Variants in EXOC2 observed in about 807,000 individuals in gnomAD.
EXOC2 encodes the protein exocyst complex component 2.
EXOC2 carries 70 observed loss-of-function variants against 131.8 expected under a neutral mutation model. The ratio of observed to expected loss-of-function variants is 0.53; its 90% confidence interval spans 0.44 to 0.65. The LOEUF (loss-of-function observed/expected upper bound fraction) is 0.65. EXOC2 is among the 30% of genes least tolerant of loss of function. The pLI is 0.00. For synonymous variants in EXOC2, 411 were observed against 398.4 expected, an observed-to-expected ratio of 1.03 and a Z score of -0.38; for missense variants, 923 against 1,108.6, an observed-to-expected ratio of 0.83 and a Z score of 2.38.
At chr6:678,414 C>G (rs1764250703) in intron 1 of EXOC2, among the ~76,000 whole-genome samples, 1 of 152,196 alleles carries the variant, frequency 6.6e-6, no homozygotes, top group Non-Finnish European at 1.5e-5. Context: ...ATAAAAGTAA[C>G]CTAGTATTGC....
chr6:512,253 C>T (rs1437401311), intron 23 of EXOC2, among the ~76,000 whole-genome samples: 5 of 152,206 alleles, frequency 3.3e-5, no homozygotes, highest in African/African-American at 7.2e-5. Flanking sequence ...GTTTGAACCG[C>T]GTGGGTCCAC....
At chr6:632,191 T>C (rs144425519) in intron 3 of EXOC2, among the ~76,000 whole-genome samples, 1 of 152,354 alleles carries the variant, frequency 6.6e-6, no homozygotes, top group African/African-American at 2.4e-5. Flanking sequence ...TAAGGGACTA[T>C]GCTAAGCACT....
chr6:539,766 G>T (rs1472178598), intron 22 of EXOC2, among the ~76,000 whole-genome samples: 1 of 152,178 alleles, frequency 6.6e-6, no homozygotes, highest in East Asian at 1.9e-4. Context: ...TTGGCCATCT[G>T]TATAGAAATA....
At chr6:649,242 T>C (rs1762725014) in intron 1 of EXOC2, among the ~76,000 whole-genome samples, 4 of 152,226 alleles carry the variant, frequency 2.6e-5, no homozygotes, top group African/African-American at 9.6e-5. Flanking sequence ...ATAACAGCTA[T>C]TATTACTCAT....
intron 1 of EXOC2, chr6:656,495 C>T: frequency 6.2e-7 from 1 of 1,607,408 alleles, no homozygotes; most frequent in Non-Finnish European, 8.5e-7. Flanking sequence ...CGGAGGCGCG[C>T]AGGCTGGGCG....
chr6:540,607 C>T (rs1314319277), intron 22 of EXOC2, among the ~76,000 whole-genome samples: 2 of 151,734 alleles, frequency 1.3e-5, no homozygotes, highest in Non-Finnish European at 2.9e-5. Flanking sequence ...AGGAGATTAC[C>T]CCAATCAGTA....
intron 1 of EXOC2, among the ~76,000 whole-genome samples, chr6:686,769 A>G (rs566342259): frequency 6.6e-6 from 1 of 152,324 alleles, no homozygotes; most frequent in Non-Finnish European, 1.5e-5. Context: ...GACTGTCACT[A>G]TGTTGCACAG....
At chr6:549,031 CAGGGTGAAG>C in intron 22 of EXOC2, 135 bp downstream of exon 22, 2 of 690,188 alleles carry the variant, frequency 2.9e-6, no homozygotes. Context: ...AAAGCTTTAG[CAGGGTGAAG>C]GCGGGGAAGC....
rs368220232 is a variant in EXOC2 at position 576,785 on chromosome 6, G to T, written c.1290C>A (p.Gly430=). The change falls in exon 12 of 28, where the codon GGC becomes GGA. Residue 430 remains glycine, a synonymous_variant. Transcript: ENST00000230449. ...HLSQTASLKR[G]SSFQSGRDDT... ...CGTCTCGACCAGACTGAAAGCTGCT[G>T]CCCCTCTTCAGGGACGCTGTCTGAC... The T allele has an allele frequency of 2.5e-6, 4 of 1,614,012 alleles. No individual in the cohort carries two copies. Among genetic ancestry groups the T allele is most frequent in the Non-Finnish European group, 3.4e-6 (4 of 1,180,010 alleles).
chr6:534,918 G>A (rs529246228), intron 22 of EXOC2, among the ~76,000 whole-genome samples: 1 of 152,274 alleles, frequency 6.6e-6, no homozygotes, highest in African/African-American at 2.4e-5. Flanking sequence ...AAGGAAGGAG[G>A]CATCCAAAAG....
intron 1 of EXOC2, among the ~76,000 whole-genome samples, chr6:639,625 G>A (rs1477496323): frequency 6.6e-6 from 1 of 152,228 alleles, no homozygotes; most frequent in Non-Finnish European, 1.5e-5. Flanking sequence ...ACACCTGAGT[G>A]TCTTCCCTGC....
chr6:661,906 G>A (rs1006197549), intron 1 of EXOC2, among the ~76,000 whole-genome samples: 1 of 152,220 alleles, frequency 6.6e-6, no homozygotes, highest in African/African-American at 2.4e-5. Context: ...GCCTTCAGGA[G>A]ACTCAGCTAA....
intron 26 of EXOC2, 117 bp from the exon 27 acceptor site, chr6:489,155 T>G (rs1357321587): frequency 3.2e-6 from 3 of 934,836 alleles, no homozygotes; most frequent in Non-Finnish European, 4.8e-6. Context: ...CAAGGAAATA[T>G]GAGAAAAAGT....
At chr6:545,653 G>A (rs1169125963) in intron 22 of EXOC2, among the ~76,000 whole-genome samples, 1 of 152,192 alleles carries the variant, frequency 6.6e-6, no homozygotes, top group African/African-American at 2.4e-5. Context: ...ACAGAAATGT[G>A]ATGAGATCAG....
At chr6:659,574 C>T (rs1248984845) in intron 1 of EXOC2, among the ~76,000 whole-genome samples, 2 of 152,210 alleles carry the variant, frequency 1.3e-5, no homozygotes, top group African/African-American at 4.8e-5. Context: ...GGAGCCCTTC[C>T]TCTCCCGAAC....
At chr6:592,049 T>A (rs538970338) in intron 11 of EXOC2, among the ~76,000 whole-genome samples, 2 of 152,288 alleles carry the variant, frequency 1.3e-5, no homozygotes, top group East Asian at 3.9e-4. Flanking sequence ...AGCATTTTAT[T>A]TGGTTAGTTA....
At chr6:490,908 GTAT>G (rs1266290437) in intron 26 of EXOC2, among the ~76,000 whole-genome samples, 2 of 152,158 alleles carry the variant, frequency 1.3e-5, no homozygotes, top group African/African-American at 4.8e-5. Flanking sequence ...ATACTCTGCT[GTAT>G]TATAAGACTA....
intron 7 of EXOC2, among the ~76,000 whole-genome samples, chr6:608,403 G>A (rs1760537906): frequency 6.6e-6 from 1 of 152,138 alleles, no homozygotes; most frequent in Admixed American, 6.5e-5. Flanking sequence ...TCTAGAAAAG[G>A]GGGAATTGTT....
At chr6:575,653 A>G (rs1758540849) in intron 12 of EXOC2, among the ~76,000 whole-genome samples, 1 of 152,242 alleles carries the variant, frequency 6.6e-6, no homozygotes, top group South Asian at 2.1e-4. Context: ...ACTGTGAGCC[A>G]ATAAACCTCT....
Sources: allele counts gnomAD v4.1 joint callset (sites outside exome capture counted in the v4.1 genomes callset), GRCh38; gene constraint gnomAD v4.1.1; transcripts MANE v1.5; gene names NCBI Gene and HGNC (gene_info 2026-07-23, HGNC 2026-07-21).